The following MLLT6 variants were observed in gnomAD, a reference collection of about 807,000 sequenced individuals.
The protein encoded by MLLT6 is MLLT6, PHD finger containing, also known as protein AF-17.
Under a neutral mutation model 103.0 loss-of-function variants are expected in MLLT6, and 22 were observed. The observed-to-expected ratio is 0.21, with a 90% CI of 0.15 to 0.31. The LOEUF (loss-of-function observed/expected upper bound fraction) is 0.31. Among genes scored for constraint, MLLT6 ranks in the 10% least tolerant of loss-of-function variants. The pLI, the probability that MLLT6 is intolerant of heterozygous loss-of-function variation, is 1.00. For synonymous variants in MLLT6, 606 were observed against 623.5 expected (o/e 0.97, Z 0.42); for missense variants, 1,199 against 1,441.7 (o/e 0.83, Z 2.73).
rs375550998 is a variant in MLLT6 at position 38,725,649 on chromosome 17, C to T, written c.*51C>T. ...CCCAAGTGGAGGGAACAGATCCTGG[C>T]CTGAGGGGTCCTAGCCTGGAGCAGG... On this transcript the variant is annotated 3_prime_UTR_variant, in exon 20 of 20. Transcript: ENST00000621332. 1 of 1,464,496 alleles carries T rather than the reference C, an allele frequency of 6.8e-7. No homozygotes were observed. Among genetic ancestry groups the T allele is most frequent in the African/African-American group, 1.5e-5 (1 of 68,190 alleles). 90.7% of individuals were successfully genotyped at this position (1,464,496 alleles called of 1,614,324 possible).
intron 8 of MLLT6, chr17:38,715,284 T>C (rs1015765643): frequency 5.2e-5 from 14 of 270,684 alleles, no homozygotes; most frequent in Middle Eastern, 2.2e-3. Context: ...ATTCAGTGAA[T>C]GAATGGACCA....
chr17:38,719,395 G>A lies in MLLT6; in HGVS notation c.1943-122G>A, dbSNP rs1905545323. ...CGCTGGCCTTGAACTGCCAGTGTGG[G>A]GTTGGGGATTCCTGGGGAAAGGGAT... is the stretch of plus-strand genomic sequence containing the variant. On this transcript the variant is annotated intron_variant, in intron 12 of 19. Transcript: ENST00000621332. 4 of 907,578 alleles carry A rather than the reference G, an allele frequency of 4.4e-6. No homozygotes were observed. In the South Asian group the frequency reaches 4.5e-5, roughly 10 times the overall value. 56.2% of individuals were successfully genotyped at this position (907,578 alleles called of 1,614,324 possible).
At position 38,713,270 on chromosome 17, in the gene MLLT6, G is replaced by A. The variant is rs762642267; in HGVS notation, c.819+481G>A. 76 of 425,528 alleles carry A rather than the reference G, an allele frequency of 1.8e-4. No homozygotes were observed. In the Middle Eastern group the frequency reaches 2.4e-3, roughly 13 times the overall value. 26.4% of individuals were successfully genotyped at this position (425,528 alleles called of 1,614,324 possible). On this transcript the variant is annotated intron_variant, in intron 8 of 19. Coordinates refer to ENST00000621332, the MANE Select transcript of MLLT6 (RefSeq NM_005937.4). ...GGGGCAGGCCCCTGGACAGTATCCC[G>A]AAACTCCCACTCATCCCACCATTCC...
Position 38,724,411 on chromosome 17 carries a change from C to T in MLLT6, c.2884-209C>T. On this transcript the variant is annotated intron_variant, in intron 18 of 19. Coordinates refer to ENST00000621332, the MANE Select transcript of MLLT6 (RefSeq NM_005937.4). The surrounding 1 kb of genome is among the most constrained non-coding windows in gnomAD (Gnocchi z 5.4). ...TGTTGGCCGGCAGTGCTGCAGCTGGCAAATACCAATGGCGTGCAACCATTT... is the reference window on the plus strand; with the variant it reads ...TGTTGGCCGGCAGTGCTGCAGCTGGTAAATACCAATGGCGTGCAACCATTT... 1.9e-6 allele frequency: 1 copy of T among 516,066 alleles called. No homozygotes were observed. The highest frequency in any genetic ancestry group is 3.1e-5 in the South Asian group (1 of 32,248). 32.0% of individuals were successfully genotyped at this position (516,066 alleles called of 1,614,324 possible). A position where few individuals can be genotyped will look rare whatever the true frequency, so the allele number is the denominator to read the frequency against.
chr17:38,720,840 T>A, intron 16 of MLLT6, 93 bp downstream of exon 16: 1 of 1,081,354 alleles, frequency 9.2e-7, no homozygotes, highest in Non-Finnish European at 1.4e-6. Context: ...GGCTGGGCAA[T>A]GAAGTGACTG....
At position 38,724,424 on chromosome 17, in the gene MLLT6, C is replaced by T. The variant is rs1905915655; in HGVS notation, c.2884-196C>T. The T allele has an allele frequency of 3.7e-6, 2 of 537,370 alleles. No individual in the cohort carries two copies. Among genetic ancestry groups the T allele is most frequent in the South Asian group, 2.7e-5 (1 of 36,720 alleles). 33.3% of individuals were successfully genotyped at this position (537,370 alleles called of 1,614,324 possible). A position where few individuals can be genotyped will look rare whatever the true frequency, so the allele number is the denominator to read the frequency against. ...TGCTGCAGCTGGCAAATACCAATGG[C>T]GTGCAACCATTTTCTTGTCTAGATG... On this transcript the variant is annotated intron_variant, in intron 18 of 19. Transcript: ENST00000621332. The surrounding 1 kb of genome is among the most constrained non-coding windows in gnomAD (Gnocchi z 5.4).
chr17:38,711,457 G>A (rs898378638), intron 6 of MLLT6, among the ~76,000 whole-genome samples: 6 of 152,114 alleles, frequency 3.9e-5, no homozygotes, highest in African/African-American at 7.2e-5. Flanking sequence ...GGCTCCCCAC[G>A]AGGGTCCCCT....
At chr17:38,712,590 C>A in intron 7 of MLLT6, 101 bp from the exon 8 acceptor site, 1 of 772,504 alleles carries the variant, frequency 1.3e-6, no homozygotes, top group Non-Finnish European at 2.3e-6. Flanking sequence ...CCCACAAAAC[C>A]CCATCCCTAA....
At position 38,716,120 on chromosome 17, in the gene MLLT6, C is replaced by T; in HGVS notation, c.1037-247C>T. 2 of 599,006 alleles carry T rather than the reference C, an allele frequency of 3.3e-6. No homozygotes were observed. The highest frequency in any genetic ancestry group is 4.3e-5 in the South Asian group (2 of 46,876). The allele number at this position is 599,006 out of a possible 1,614,324, so 37.1% of individuals were successfully genotyped here. A position where few individuals can be genotyped will look rare whatever the true frequency, so the allele number is the denominator to read the frequency against. On this transcript the variant is annotated intron_variant, in intron 9 of 19. Transcript: ENST00000621332. The surrounding 1 kb of genome is among the most constrained non-coding windows in gnomAD (Gnocchi z 5.6). The stretch of plus-strand genomic sequence containing the variant: ...TCAAGAACCCCCATTAACATTTTCT[C>T]CTATAATCGCTACAGTCATCTGGTG...
rs1207184509 is a variant in MLLT6, at chr17:38,727,859, C to T, written c.*2261C>T. The T allele has an allele frequency of 3.0e-5, 7 of 232,990 alleles. No homozygotes were observed. The highest frequency in any genetic ancestry group is 5.9e-5 in the Non-Finnish European group (7 of 117,944). 14.4% of individuals were successfully genotyped at this position (232,990 alleles called of 1,614,324 possible). ...TAGAAGAGTTGCTCATTCACACCCA[C>T]GCCCTTGCCCAAGGCTGGCCCACTT... On this transcript the variant is annotated 3_prime_UTR_variant, in exon 20 of 20. Coordinates refer to ENST00000621332, the MANE Select transcript of MLLT6 (RefSeq NM_005937.4).
chr17:38,715,898 G>A, intron 9 of MLLT6, 70 bp downstream of exon 9: 1 of 1,340,966 alleles, frequency 7.5e-7, no homozygotes, highest in Non-Finnish European at 1.0e-6. Flanking sequence ...TCTGGCAAGG[G>A]ACTTTGCATA....
chr17:38,714,160 T>C (rs1335677730), intron 8 of MLLT6: 4 of 152,164 alleles, frequency 2.6e-5, no homozygotes, highest in Non-Finnish European at 5.9e-5. Flanking sequence ...ATAAACCCCA[T>C]TTAATATATG....
intron 17 of MLLT6, 145 bp from the exon 18 acceptor site, chr17:38,722,533 C>T (rs150346234): frequency 3.1e-5 from 20 of 644,406 alleles, no homozygotes; most frequent in South Asian, 7.3e-5. Context: ...CCTATGAGCA[C>T]GGTGCTCTAA....
Position 38,717,501 on chromosome 17 carries a change from C to G in MLLT6, c.1721C>G (p.Pro574Arg). 1.2e-6 allele frequency: 2 copies of G among 1,613,322 alleles called. No individual in the cohort carries two copies. Among genetic ancestry groups the G allele is most frequent in the Non-Finnish European group, 1.7e-6 (2 of 1,179,932 alleles). The change falls in exon 11 of 20, where the codon CCT (proline) becomes CGT (arginine). Residue 574 changes from proline to arginine, a missense_variant. Coordinates refer to ENST00000621332, the MANE Select transcript of MLLT6 (RefSeq NM_005937.4). ...GGMLRAVCSTPLSSSLLGPPG... is the reference protein window; with the variant it reads ...GGMLRAVCSTRLSSSLLGPPG... The stretch of plus-strand genomic sequence containing the variant: ...ATGCTGCGGGCTGTCTGCAGCACCC[C>G]TCTCTCCTCCAGCCTCCTGGGGCCC...
Position 38,727,574 on chromosome 17 carries a change from G to A in MLLT6, c.*1976G>A, listed in dbSNP as rs561242098. 63 of 196,256 alleles carry A rather than the reference G, an allele frequency of 3.2e-4. No individual in the cohort carries two copies. Among genetic ancestry groups the A allele is most frequent in the Non-Finnish European group, 5.4e-4 (51 of 94,594 alleles). 12.2% of individuals were successfully genotyped at this position (196,256 alleles called of 1,614,324 possible). On this transcript the variant is annotated 3_prime_UTR_variant, in exon 20 of 20. Transcript: ENST00000621332. ...TCCCAACACTTTGGGAGGCTGAGGC[G>A]GGCGGATCACTTAAGGTCAGGAGTT...
chr17:38,717,959 T>A lies in MLLT6; in HGVS notation c.1942+6T>A. ...AGCTGAGAGCAGCCACACAGGTATG[T>A]GAATATCTGATCCCCTCTCCCCTTT... is the stretch of plus-strand genomic sequence containing the variant. On this transcript the variant is annotated splice_donor_region_variant and intron_variant, in intron 12 of 19. Coordinates refer to ENST00000621332, the MANE Select transcript of MLLT6 (RefSeq NM_005937.4). 1 of 1,565,302 alleles carries A rather than the reference T, an allele frequency of 6.4e-7. No individual in the cohort carries two copies. Among genetic ancestry groups the A allele is most frequent in the Non-Finnish European group, 8.8e-7 (1 of 1,136,232 alleles).
chr17:38,720,345 C>T (rs1905649229), intron 14 of MLLT6, 27 bp from the exon 15 acceptor site: 10 of 1,563,406 alleles, frequency 6.4e-6, no homozygotes, highest in Non-Finnish European at 8.7e-6. Flanking sequence ...CCTCGCCCCT[C>T]CCTCAGGTTC....
At position 38,727,457 on chromosome 17, in the gene MLLT6, C is replaced by T. The variant is rs1189762069; in HGVS notation, c.*1859C>T. ...AAATGATAGCATTCAGCATTTTATTCTTCTTAATCTATTAAGCTGTGTAAC... is the reference window on the plus strand; with the variant it reads ...AAATGATAGCATTCAGCATTTTATTTTTCTTAATCTATTAAGCTGTGTAAC... On this transcript the variant is annotated 3_prime_UTR_variant, in exon 20 of 20. Coordinates refer to ENST00000621332, the MANE Select transcript of MLLT6 (RefSeq NM_005937.4). 1.3e-5 allele frequency: 3 copies of T among 222,372 alleles called. No individual in the cohort carries two copies. The highest frequency in any genetic ancestry group is 1.3e-4 in the East Asian group (2 of 15,398). 13.8% of individuals were successfully genotyped at this position (222,372 alleles called of 1,614,324 possible). A position where few individuals can be genotyped will look rare whatever the true frequency, so the allele number is the denominator to read the frequency against.
At position 38,725,892 on chromosome 17, in the gene MLLT6, C is replaced by A. The variant is rs1906001874; in HGVS notation, c.*294C>A. 2.3e-6 allele frequency: 1 copy of A among 444,216 alleles called. No individual in the cohort carries two copies. The highest frequency in any genetic ancestry group is 3.8e-5 in the East Asian group (1 of 26,148). 27.5% of individuals were successfully genotyped at this position (444,216 alleles called of 1,614,324 possible). A position where few individuals can be genotyped will look rare whatever the true frequency, so the allele number is the denominator to read the frequency against. ...CCCCAGCAAATGTTTTGGAGGTCCC[C>A]CCAGAGAGCAGAGTGGGCCATGGCA... On this transcript the variant is annotated 3_prime_UTR_variant, in exon 20 of 20. Coordinates refer to ENST00000621332, the MANE Select transcript of MLLT6 (RefSeq NM_005937.4).
Sources: allele counts gnomAD v4.1 joint callset (sites outside exome capture counted in the v4.1 genomes callset), GRCh38; gene constraint gnomAD v4.1.1; non-coding constraint Gnocchi (gnomAD v3.1); transcripts MANE v1.5; gene names NCBI Gene and HGNC (gene_info 2026-07-23, HGNC 2026-07-21).